Variants in CD300LD observed in about 807,000 individuals in gnomAD.
The protein encoded by CD300LD is CD300 molecule like family member d, also known as CMRF35-like molecule 5.
A neutral mutation model predicts 20.3 loss-of-function variants in CD300LD; 18 were observed. That is an observed-to-expected ratio of 0.89 (90% CI 0.61 to 1.32). CD300LD has a LOEUF of 1.32. Among genes scored for constraint, CD300LD ranks in the 40% most tolerant of loss-of-function variants. The probability of loss-of-function intolerance (pLI) is 0.00; values close to 1 mark genes in which losing one functional copy is unlikely to be tolerated. For synonymous variants in CD300LD, 104 were observed against 90.1 expected, an observed-to-expected ratio of 1.15 and a Z score of -0.87; for missense variants, 195 against 226.6, an observed-to-expected ratio of 0.86 and a Z score of 0.90.
chr17:74,581,808 G>A (rs887355569), intron 3 of CD300LD, among the ~76,000 whole-genome samples: 1 of 152,008 alleles, frequency 6.6e-6, no homozygotes, highest in African/African-American at 2.4e-5. Flanking sequence ...TGCAGAGTTT[G>A]CCTTCATGTA....
At chr17:74,579,084 G>A (rs1008372474), downstream of CD300LD, among the ~76,000 whole-genome samples, 2 of 152,202 alleles carry the variant, frequency 1.3e-5, no homozygotes, top group African/African-American at 4.8e-5. Flanking sequence ...GACGAAAGGA[G>A]GCTGTGTTTT....
Position 74,579,366 on chromosome 17 carries a change from A to T in CD300LD, c.*636T>A, listed in dbSNP as rs548215832. The T allele has an allele frequency of 1.3e-5, 2 of 152,128 alleles. No homozygotes were observed. Among genetic ancestry groups the T allele is most frequent in the Admixed American group, 6.5e-5 (1 of 15,280 alleles). 9.4% of individuals were successfully genotyped at this position (152,128 alleles called of 1,614,324 possible). A position where few individuals can be genotyped will look rare whatever the true frequency, so the allele number is the denominator to read the frequency against. ...GTGGCTCACAGACCTGAGATCACGAATGTCCACTACGGCATAGGTGCCTCT... is the reference window on the plus strand; with the variant it reads ...GTGGCTCACAGACCTGAGATCACGATTGTCCACTACGGCATAGGTGCCTCT... On this transcript the variant is annotated 3_prime_UTR_variant, in exon 4 of 4. Transcript: ENST00000375352.
chr17:74,582,660 C>A (rs759332397), intron 2 of CD300LD, among the ~76,000 whole-genome samples: 1 of 152,226 alleles, frequency 6.6e-6, no homozygotes, highest in South Asian at 2.1e-4. Context: ...TGGAGTGATT[C>A]GGCGGCTGAG....
Position 74,588,673 on chromosome 17 carries a change from C to T in CD300LD, c.217G>A (p.Glu73Lys). 6.2e-7 allele frequency: 1 copy of T among 1,614,232 alleles called. No individual in the cohort carries two copies. Among genetic ancestry groups the T allele is most frequent in the Non-Finnish European group, 8.5e-7 (1 of 1,180,046 alleles). ...ILVKTNGSEQ[E>K]VKKNRVSIRD... is the part of the protein sequence containing the mutation. ...ATGGAAACTCGATTCTTCTTTACCT[C>T]CTGCTCTGATCCATTTGTTTTAACA... Residue 73 changes from glutamate (E) to lysine (K), a missense_variant, in exon 2 of 4, where the codon GAG (glutamate) becomes AAG (lysine). Transcript: ENST00000375352.
Position 74,582,302 on chromosome 17 carries a change from G to T in CD300LD, c.389C>A (p.Thr130Asn), listed in dbSNP as rs2030055127. 1.9e-6 allele frequency: 3 copies of T among 1,613,650 alleles called. No individual in the cohort carries two copies. The East Asian group carries it at 6.7e-5, about 36-fold the overall frequency. ...VQVTINPGTQ[T>N]AVSEWTTTTA... ...TGTGGTTGTCCATTCTGAGACTGCA[G>T]TTTGTGTGCCTAAACATACAAAGCA... The change falls in exon 3 of 4, where the codon ACT (threonine) becomes AAT (asparagine). Residue 130 changes from threonine to asparagine, a missense_variant. Physicochemically the swap from Thr to Asn is moderately conservative, Grantham distance 65. Coordinates refer to ENST00000375352, the MANE Select transcript of CD300LD (RefSeq NM_001115152.2).
intron 2 of CD300LD, among the ~76,000 whole-genome samples, 157 bp from the exon 3 acceptor site, chr17:74,582,468 A>T (rs561631603): frequency 6.6e-6 from 1 of 152,202 alleles, no homozygotes; most frequent in Non-Finnish European, 1.5e-5. Flanking sequence ...TTATCTTCTA[A>T]AGAGAAGTTA....
At chr17:74,583,395 G>T (rs150504545) in intron 2 of CD300LD, among the ~76,000 whole-genome samples, 6 of 152,236 alleles carry the variant, frequency 3.9e-5, no homozygotes, top group Admixed American at 1.3e-4. Context: ...ACCGCAAGAA[G>T]GGGTAGCAAG....
intron 1 of CD300LD, among the ~76,000 whole-genome samples, chr17:74,591,501 A>AAACATAGAATT (rs1228034080): frequency 4.5e-4 from 68 of 152,230 alleles, no homozygotes; most frequent in Middle Eastern, 3.4e-3. Flanking sequence ...TCAAAAAGTT[A>AAACATAGAATT]AACATAGAAT....
At chr17:74,580,160 G>A (rs748832186) in intron 3 of CD300LD, 47 bp from the exon 4 acceptor site, 6 of 1,259,912 alleles carry the variant, frequency 4.8e-6, no homozygotes, top group Non-Finnish European at 5.7e-6. Flanking sequence ...TGGGTCAGAG[G>A]TCTCAGGTCT....
chr17:74,582,138 G>T (rs933472683), intron 3 of CD300LD, 80 bp downstream of exon 3: 2 of 1,115,488 alleles, frequency 1.8e-6, no homozygotes, highest in South Asian at 1.4e-5. Flanking sequence ...GCATGCTATT[G>T]TTGTATCTGG....
rs528093158 is a variant in CD300LD at position 74,579,799 on chromosome 17, C to A, written c.*203G>T. ...ACTCTGGAGGTTGAGGCAGGAGGATCGCTTGAGCCTGGGAGGGGAAAGTTG... is the reference window on the plus strand; with the variant it reads ...ACTCTGGAGGTTGAGGCAGGAGGATAGCTTGAGCCTGGGAGGGGAAAGTTG... On this transcript the variant is annotated 3_prime_UTR_variant, in exon 4 of 4. Coordinates refer to ENST00000375352, the MANE Select transcript of CD300LD (RefSeq NM_001115152.2). 1.4e-5 allele frequency: 5 copies of A among 349,814 alleles called. No individual in the cohort carries two copies. The East Asian group carries it at 2.8e-4, about 20-fold the overall frequency. The allele number at this position is 349,814 out of a possible 1,614,324, so 21.7% of individuals were successfully genotyped here. A position where few individuals can be genotyped will look rare whatever the true frequency, so the allele number is the denominator to read the frequency against.
chr17:74,583,177 A>G (rs2030076002), intron 2 of CD300LD, among the ~76,000 whole-genome samples: 1 of 152,158 alleles, frequency 6.6e-6, no homozygotes, highest in South Asian at 2.1e-4. Context: ...TAGGGACTGA[A>G]CTGTGGACCC....
rs1555650258 is a variant in CD300LD, at chr17:74,591,268, A to AAATAAAAATAATAATAAT, written c.40+894_40+895insATTATTATTATTTTTATT. Among the ~76,000 whole-genome samples the AAATAAAAATAATAATAAT allele has an allele frequency of 4.9e-5, 7 of 142,390 alleles. No individual in the cohort carries two copies. In the South Asian group the frequency reaches 8.7e-4, roughly 18 times the overall value. The allele number at this position is 142,390 out of a possible 152,430, so 93.4% of individuals were successfully genotyped here. ...ATCTCTACAAAAAAAAAAAAAATAA[A>AAATAAAAATAATAATAAT]AATAATAATAATAATAATAATAATC... On this transcript the variant is annotated intron_variant, in intron 1 of 3. Coordinates refer to ENST00000375352, the MANE Select transcript of CD300LD (RefSeq NM_001115152.2).
intron 3 of CD300LD, among the ~76,000 whole-genome samples, chr17:74,581,214 G>A (rs1432843325): frequency 5.3e-5 from 8 of 152,086 alleles, no homozygotes; most frequent in East Asian, 3.9e-4. Flanking sequence ...AGCCAGCTCC[G>A]TGGGTGGAGC....
In CD300LD at chr17:74,588,784, T is replaced by G; in HGVS notation, c.106A>C (p.Thr36Pro). ...TVNGSEQGSLTVQCAYGSGWE... is the reference protein window; with the variant it reads ...TVNGSEQGSLPVQCAYGSGWE... ...CCTGAGCCATAAGCACACTGCACAG[T>G]CAATGAGCCCTGCTCCGAGCCATTC... The change falls in exon 2 of 4, where the codon ACT (threonine) becomes CCT (proline). Residue 36 changes from threonine to proline, a missense_variant. Physicochemically the swap from Thr to Pro is conservative, Grantham distance 38 (BLOSUM62 -1). Transcript: ENST00000375352. The G allele has an allele frequency of 6.2e-7, 1 of 1,614,180 alleles. No homozygotes were observed.
At chr17:74,586,584 A>G (rs2030165225) in intron 2 of CD300LD, among the ~76,000 whole-genome samples, 1 of 152,106 alleles carries the variant, frequency 6.6e-6, no homozygotes, top group African/African-American at 2.4e-5. Flanking sequence ...CCACAGCCCC[A>G]TCTCAGGGAT....
chr17:74,586,496 A>G (rs915162370), intron 2 of CD300LD, among the ~76,000 whole-genome samples: 1 of 152,126 alleles, frequency 6.6e-6, no homozygotes, highest in African/African-American at 2.4e-5. Context: ...TTTCATCAGA[A>G]TGGCACCCCC....
chr17:74,584,839 C>G (rs1488320148), intron 2 of CD300LD: 2 of 154,310 alleles, frequency 1.3e-5, no homozygotes, highest in Admixed American at 1.3e-4. Flanking sequence ...CAAAGAAGGT[C>G]TGCTGGAGCA....
intron 2 of CD300LD, among the ~76,000 whole-genome samples, chr17:74,586,365 T>A (rs2030158115): frequency 6.6e-6 from 1 of 152,130 alleles, no homozygotes; most frequent in African/African-American, 2.4e-5. Context: ...CAAAAAAGAA[T>A]ACCGTCAGAC....
Sources: allele counts gnomAD v4.1 joint callset (sites outside exome capture counted in the v4.1 genomes callset), GRCh38; gene constraint gnomAD v4.1.1; transcripts MANE v1.5; gene names NCBI Gene and HGNC (gene_info 2026-07-23, HGNC 2026-07-21).